Variants in DNAI3 observed in about 807,000 individuals in gnomAD.
DNAI3 encodes dynein axonemal intermediate chain 3.
A neutral mutation model predicts 115.5 loss-of-function variants in DNAI3; 83 were observed. The observed-to-expected ratio is 0.72, with a 90% confidence interval of 0.60 to 0.86. DNAI3 has a LOEUF of 0.86. DNAI3 is among the 40% of genes least tolerant of loss of function. DNAI3 has a pLI of 0.00. For missense variants in DNAI3, 1,004 were observed against 1,075.8 expected, an observed-to-expected ratio of 0.93 and a Z score of 0.93; for synonymous variants, 320 against 347.0, an observed-to-expected ratio of 0.92 and a Z score of 0.86.
At chr1:85,108,198 A>C (rs1197305835) in intron 15 of DNAI3, 21 bp downstream of exon 15, 1 of 1,568,006 alleles carries the variant, frequency 6.4e-7, no homozygotes, top group Non-Finnish European at 8.6e-7. Flanking sequence ...TGGGGTTTTT[A>C]GTCCATCCTG....
chr1:85,116,026 C>T (rs1655806410), intron 16 of DNAI3, among the ~76,000 whole-genome samples: 2 of 152,196 alleles, frequency 1.3e-5, no homozygotes, highest in South Asian at 4.1e-4. Context: ...ATTTTCCTAT[C>T]CTGCTACTTC....
intron 3 of DNAI3, among the ~76,000 whole-genome samples, chr1:85,077,802 G>A (rs538463815): frequency 6.6e-6 from 1 of 151,774 alleles, no homozygotes; most frequent in East Asian, 1.9e-4. Context: ...TGTACATATT[G>A]TATGCAGTTT....
At position 85,126,561 on chromosome 1, in the gene DNAI3, C is replaced by A. The variant is rs1656146670; in HGVS notation, c.2163C>A (p.Gly721=). 6.2e-7 allele frequency: 1 copy of A among 1,614,006 alleles called. No individual in the cohort carries two copies. Among genetic ancestry groups the A allele is most frequent in the African/African-American group, 1.3e-5 (1 of 74,908 alleles). The part of the protein sequence containing the change: ...SCCAPKRYTS[G]HWSLTRPGVF... ...GTGCACCAAAAAGGTACACCTCAGG[C>A]CACTGGTCCCTGACTCGGCCCGGAG... The change falls in exon 20 of 23, where the codon GGC becomes GGA. Residue 721 remains glycine (G), a synonymous_variant. Transcript: ENST00000294664.
intron 22 of DNAI3, among the ~76,000 whole-genome samples, chr1:85,130,713 ATAG>A (rs1656296393): frequency 6.7e-6 from 1 of 148,238 alleles, no homozygotes; most frequent in Non-Finnish European, 1.5e-5. Context: ...AGATAGATAG[ATAG>A]ATAAATAGAT....
intron 1 of DNAI3, among the ~76,000 whole-genome samples, chr1:85,063,003 A>G (rs1414392306): frequency 6.6e-6 from 1 of 152,222 alleles, no homozygotes; most frequent in Non-Finnish European, 1.5e-5. Context: ...AAGTAAGGAC[A>G]TTGTCTTATT....
At chr1:85,126,349 A>G (rs1656133405) in intron 19 of DNAI3, among the ~76,000 whole-genome samples, 162 bp from the exon 20 acceptor site, 1 of 152,242 alleles carries the variant, frequency 6.6e-6, no homozygotes, top group Non-Finnish European at 1.5e-5. Flanking sequence ...CTGGTGTTAT[A>G]TAAAAACCCT....
chr1:85,108,370 G>T (rs1655553589), intron 15 of DNAI3, among the ~76,000 whole-genome samples, 193 bp downstream of exon 15: 1 of 151,996 alleles, frequency 6.6e-6, no homozygotes, highest in African/African-American at 2.4e-5. Flanking sequence ...ATTTTTAATT[G>T]ATACATGTTA....
Position 85,085,820 on chromosome 1 carries a change from A to G in DNAI3, c.541-11A>G, listed in dbSNP as rs199670893. 1.1e-4 allele frequency: 185 copies of G among 1,612,420 alleles called. No individual in the cohort carries two copies. The highest frequency in any genetic ancestry group is 3.3e-5 in the South Asian group (3 of 90,996). On this transcript the variant is annotated splice_polypyrimidine_tract_variant and intron_variant, in intron 6 of 22. Transcript: ENST00000294664. The stretch of plus-strand genomic sequence containing the variant: ...TCATTATGTTACCTTTACTGTTTAC[A>G]TGTGTTACAGATTACATATATGATT...
rs11161530 is a variant in DNAI3 at position 85,107,198 on chromosome 1, A to G, written c.1554-835A>G. Reference sequence around the variant, plus strand: ...AATCTGGCAGTTCCTCAAAAGATTAAACACAGAGTTACCATTTAACCCAGC... The same window carrying G: ...AATCTGGCAGTTCCTCAAAAGATTAGACACAGAGTTACCATTTAACCCAGC... On this transcript the variant is annotated intron_variant, in intron 14 of 22. Transcript: ENST00000294664. Among the ~76,000 whole-genome samples, 601 of 152,338 alleles carry G rather than the reference A, an allele frequency of 3.9e-3. 5 individuals carry two copies. The highest frequency in any genetic ancestry group is 0.014 in the African/African-American group (582 of 41,584).
In DNAI3 at chr1:85,133,075, C is replaced by CAT. The variant is rs140226768; in HGVS notation, c.*89_*90dup. The CAT allele has an allele frequency of 9.4e-4, 1,341 of 1,423,024 alleles. 1 individual carries two copies. Among genetic ancestry groups the CAT allele is most frequent in the Non-Finnish European group, 1.1e-3 (1,153 of 1,056,030 alleles). The allele number at this position is 1,423,024 out of a possible 1,614,324, so 88.1% of individuals were successfully genotyped here. ...ATGTCAGGTGAACTGGCATGCTGAA[C>CAT]ATATATATATATAGGCTCATTTATA... On this transcript the variant is annotated 3_prime_UTR_variant, in exon 23 of 23. Coordinates refer to ENST00000294664, the MANE Select transcript of DNAI3 (RefSeq NM_145172.5).
chr1:85,114,394 A>T (rs574125904), intron 16 of DNAI3, among the ~76,000 whole-genome samples: 7 of 152,336 alleles, frequency 4.6e-5, no homozygotes, highest in Middle Eastern at 3.4e-3. Flanking sequence ...TCTTTTAGAC[A>T]TACTGAGTTT....
chr1:85,082,217 C>A, intron 4 of DNAI3, 83 bp from the exon 5 acceptor site: 1 of 1,104,032 alleles, frequency 9.1e-7, no homozygotes, highest in Non-Finnish European at 1.3e-6. Context: ...GGTTGATTAG[C>A]GAAATGTGAA....
intron 7 of DNAI3, among the ~76,000 whole-genome samples, chr1:85,086,652 T>A (rs545790361): frequency 3.9e-5 from 6 of 152,246 alleles, no homozygotes; most frequent in Admixed American, 3.9e-4. Flanking sequence ...GTAATGATAT[T>A]GTTCTAATTA....
At chr1:85,102,189 A>G (rs1655347843) in intron 13 of DNAI3, among the ~76,000 whole-genome samples, 1 of 152,184 alleles carries the variant, frequency 6.6e-6, no homozygotes, top group Non-Finnish European at 1.5e-5. Flanking sequence ...ATTACAAAAT[A>G]GCTAGAAGAG....
At chr1:85,067,479 A>G (rs1654134611) in intron 1 of DNAI3, among the ~76,000 whole-genome samples, 1 of 152,244 alleles carries the variant, frequency 6.6e-6, no homozygotes, top group Non-Finnish European at 1.5e-5. Context: ...TGAAAAGAAC[A>G]GGACACTTGT....
intron 18 of DNAI3, 56 bp from the exon 19 acceptor site, chr1:85,124,065 T>A (rs1656060997): frequency 6.2e-7 from 1 of 1,606,756 alleles, no homozygotes; most frequent in African/African-American, 1.3e-5. Flanking sequence ...CATTCCTCAC[T>A]GCAGGAATGC....
chr1:85,071,771 CAG>C (rs1409617373), intron 1 of DNAI3, among the ~76,000 whole-genome samples, 155 bp from the exon 2 acceptor site: 7 of 152,208 alleles, frequency 4.6e-5, no homozygotes, highest in African/African-American at 7.2e-5. Flanking sequence ...GCCTTTGTCA[CAG>C]AACACCCGTT....
At chr1:85,091,320 A>G (rs1654966604) in intron 8 of DNAI3, among the ~76,000 whole-genome samples, 1 of 152,228 alleles carries the variant, frequency 6.6e-6, no homozygotes, top group African/African-American at 2.4e-5. Flanking sequence ...CACATTGTAT[A>G]TTATCTTTAG....
rs200780314 is a variant in DNAI3, at chr1:85,121,735, C to T, written c.1918-16C>T. 6 of 1,613,016 alleles carry T rather than the reference C, an allele frequency of 3.7e-6. No homozygotes were observed. The highest frequency in any genetic ancestry group is 4.2e-6 in the Non-Finnish European group (5 of 1,179,304). ...AAGTTGTCATTGTACTCATCAGGAA[C>T]CTGTAATATTTTTAGGAAGGCGAAG... On this transcript the variant is annotated splice_polypyrimidine_tract_variant and intron_variant, in intron 17 of 22. Transcript: ENST00000294664.
Sources: allele counts gnomAD v4.1 joint callset (sites outside exome capture counted in the v4.1 genomes callset), GRCh38; gene constraint gnomAD v4.1.1; transcripts MANE v1.5; gene names NCBI Gene and HGNC (gene_info 2026-07-23, HGNC 2026-07-21).